IGF1R: variants seen among roughly 807,000 people sequenced by gnomAD.
IGF1R encodes the protein insulin-like growth factor 1 receptor.
Under a neutral mutation model 144.6 loss-of-function variants are expected in IGF1R, and 44 were observed. That is an observed-to-expected ratio of 0.30 (90% CI 0.24 to 0.39). The LOEUF (loss-of-function observed/expected upper bound fraction) is 0.39. Among genes scored for constraint, IGF1R ranks in the 10% least tolerant of loss-of-function variants. The probability of loss-of-function intolerance (pLI) is 1.00; values close to 1 mark genes in which losing one functional copy is unlikely to be tolerated. For missense variants in IGF1R, 1,355 were observed against 1,833.7 expected, an observed-to-expected ratio of 0.74 and a Z score of 4.77; for synonymous variants, 795 against 722.8, an observed-to-expected ratio of 1.10 and a Z score of -1.60.
intron 2 of IGF1R, among the ~76,000 whole-genome samples, chr15:98,754,005 AT>A: frequency 6.6e-6 from 1 of 152,280 alleles, no homozygotes. Context: ...CAGCCAGCTC[AT>A]TTCTCAGGGA....
intron 2 of IGF1R, among the ~76,000 whole-genome samples, chr15:98,816,439 A>T (rs566105524): frequency 6.6e-6 from 1 of 152,288 alleles, no homozygotes; most frequent in Non-Finnish European, 1.5e-5. Context: ...AATATGGTGG[A>T]AAAAACAAAT....
At chr15:98,906,396 G>A (rs1011427780) in intron 5 of IGF1R, among the ~76,000 whole-genome samples, 2 of 152,238 alleles carry the variant, frequency 1.3e-5, no homozygotes, top group African/African-American at 4.8e-5. Context: ...CAGGTACCTG[G>A]AAGCAGCCCG....
chr15:98,867,624 CAT>C (rs1035559720), intron 2 of IGF1R, among the ~76,000 whole-genome samples: 1 of 152,198 alleles, frequency 6.6e-6, no homozygotes, highest in Non-Finnish European at 1.5e-5. Flanking sequence ...TCATCACCTG[CAT>C]CTGACTGTGT....
rs987205967 is a variant in IGF1R at position 98,909,242 on chromosome 15, CT to C, written c.1462+351del. On this transcript the variant is annotated intron_variant, in intron 6 of 20. Transcript: ENST00000650285. The stretch of plus-strand genomic sequence containing the variant: ...GATATTTCTCTTTCTTTTTTCTTTT[CT>C]TTTTTTTCTTTTTTTTTCTTTTTTT... Among the ~76,000 whole-genome samples, 8 of 60,006 alleles carry C rather than the reference CT, an allele frequency of 1.3e-4. No individual in the cohort carries two copies. The South Asian group carries it at 2.5e-3, about 19-fold the overall frequency. The allele number at this position is 60,006 out of a possible 152,430, so 39.4% of individuals were successfully genotyped here.
chr15:98,879,081 G>A (rs1179930936), intron 2 of IGF1R, among the ~76,000 whole-genome samples: 2 of 152,052 alleles, frequency 1.3e-5, no homozygotes, highest in Admixed American at 6.5e-5. Context: ...TGATGACCTC[G>A]CCCCAGAACG....
chr15:98,679,107 A>G (rs944062595), intron 1 of IGF1R, among the ~76,000 whole-genome samples: 3 of 151,384 alleles, frequency 2.0e-5, no homozygotes, highest in Non-Finnish European at 4.4e-5. Context: ...GAGTCTCGCT[A>G]TGTTCCCATG....
chr15:98,917,076 C>T (rs1567197585), intron 10 of IGF1R, 200 bp downstream of exon 10: 2 of 654,456 alleles, frequency 3.1e-6, no homozygotes, highest in South Asian at 1.6e-5. Context: ...GAACAGGGAC[C>T]AGGGCTTGGG....
At chr15:98,834,854 G>A (rs1317242296) in intron 2 of IGF1R, among the ~76,000 whole-genome samples, 2 of 152,182 alleles carry the variant, frequency 1.3e-5, no homozygotes, top group African/African-American at 4.8e-5. Context: ...TCTGCCTTCA[G>A]AGGTATATGC....
chr15:98,842,339 C>A (rs146105486), intron 2 of IGF1R, among the ~76,000 whole-genome samples: 8 of 152,242 alleles, frequency 5.3e-5, no homozygotes, highest in African/African-American at 1.9e-4. Flanking sequence ...AATCTGTTGT[C>A]CTATAGAGGT....
At chr15:98,729,373 G>A (rs918520297) in intron 2 of IGF1R, among the ~76,000 whole-genome samples, 1 of 152,178 alleles carries the variant, frequency 6.6e-6, no homozygotes. Context: ...TTCATGGAAA[G>A]GAACCGGAAG....
chr15:98,801,335 G>T (rs915112454), intron 2 of IGF1R, among the ~76,000 whole-genome samples: 1 of 152,196 alleles, frequency 6.6e-6, no homozygotes, highest in Middle Eastern at 3.2e-3. Context: ...ATTGGAAGCT[G>T]TGTGACAATG....
At chr15:98,879,471 C>T (rs1281892718) in intron 2 of IGF1R, among the ~76,000 whole-genome samples, 1 of 152,186 alleles carries the variant, frequency 6.6e-6, no homozygotes, top group Admixed American at 6.5e-5. Context: ...TATTCTCCAT[C>T]ATTAGAGCAC....
chr15:98,903,898 A>G (rs936776825), intron 5 of IGF1R, among the ~76,000 whole-genome samples: 1 of 152,232 alleles, frequency 6.6e-6, no homozygotes, highest in Admixed American at 6.5e-5. Context: ...AGAGACAGAA[A>G]GCAGACCAGG....
intron 13 of IGF1R, among the ~76,000 whole-genome samples, chr15:98,927,268 C>T (rs2015758899): frequency 1.3e-5 from 2 of 152,172 alleles, no homozygotes; most frequent in South Asian, 2.1e-4. Context: ...TGTCCTGCTA[C>T]AGTTTAGTCT....
chr15:98,885,147 A>T (rs1020041657), intron 2 of IGF1R, among the ~76,000 whole-genome samples: 3 of 152,152 alleles, frequency 2.0e-5, no homozygotes, highest in Non-Finnish European at 2.9e-5. Flanking sequence ...CTACTGGCTC[A>T]TATTCTCACT....
In IGF1R at chr15:98,924,632, C is replaced by T. The variant is rs764448697; in HGVS notation, c.2730C>T (p.Leu910=). ...CAGCCCGGATTCAGGCCACATCTCT[C>T]TCTGGGAATGGGTCGTGGACAGATC... ...NYTARIQATS[L]SGNGSWTDPV... The change falls in exon 13 of 21, where the codon CTC becomes CTT. Residue 910 remains leucine, a synonymous_variant. Transcript: ENST00000650285. 31 of 1,614,088 alleles carry T rather than the reference C, an allele frequency of 1.9e-5. No individual in the cohort carries two copies. The South Asian group carries it at 3.2e-4, about 17-fold the overall frequency.
Position 98,773,846 on chromosome 15 carries a change from G to A in IGF1R, c.640+65739G>A, listed in dbSNP as rs147133133. Among the ~76,000 whole-genome samples the A allele has an allele frequency of 2.6e-3, 392 of 152,256 alleles. 1 individual carries two copies. Among genetic ancestry groups the A allele is most frequent in the African/African-American group, 9.0e-3 (372 of 41,548 alleles). ...GGTGTCTGACGACATCTTGTGATCCGGGGGGAAGCCAGCCTAAGGACAAAG... is the reference window on the plus strand; with the variant it reads ...GGTGTCTGACGACATCTTGTGATCCAGGGGGAAGCCAGCCTAAGGACAAAG... On this transcript the variant is annotated intron_variant, in intron 2 of 20. Coordinates refer to ENST00000650285, the MANE Select transcript of IGF1R (RefSeq NM_000875.5).
intron 2 of IGF1R, among the ~76,000 whole-genome samples, chr15:98,802,193 G>A (rs539439450): frequency 1.3e-5 from 2 of 152,330 alleles, no homozygotes; most frequent in East Asian, 3.9e-4. Flanking sequence ...GAGGGAATGA[G>A]TTGAGGATTC....
chr15:98,911,284 C>A (rs1567193456), intron 6 of IGF1R, 31 bp from the exon 7 acceptor site: 2 of 1,613,896 alleles, frequency 1.2e-6, no homozygotes, highest in Admixed American at 3.3e-5. Flanking sequence ...ACATGAATCT[C>A]TGTCACTCAC....
Sources: allele counts gnomAD v4.1 joint callset (sites outside exome capture counted in the v4.1 genomes callset), GRCh38; gene constraint gnomAD v4.1.1; transcripts MANE v1.5; gene names NCBI Gene and HGNC (gene_info 2026-07-23, HGNC 2026-07-21).